The following PRKCE variants were observed in gnomAD, a reference collection of about 807,000 sequenced individuals.
The protein encoded by PRKCE is protein kinase C epsilon, also known as protein kinase C epsilon type.
In PRKCE, 16 loss-of-function variants were observed where a neutral mutation model predicts 85.4. The ratio of observed to expected loss-of-function variants is 0.19; its 90% CI spans 0.13 to 0.28. The LOEUF is 0.28. Among genes scored for constraint, PRKCE ranks in the 10% least tolerant of loss-of-function variants. The pLI, the probability that PRKCE is intolerant of heterozygous loss-of-function variation, is 1.00. For synonymous variants in PRKCE, 388 were observed against 371.5 expected (o/e 1.04, Z -0.51); for missense variants, 573 against 975.2 (o/e 0.59, Z 5.49).
intron 1 of PRKCE, among the ~76,000 whole-genome samples, chr2:45,788,731 C>A (rs1010295343): frequency 3.9e-5 from 6 of 152,208 alleles, no homozygotes; most frequent in Non-Finnish European, 7.3e-5. Context: ...AAATCTAATT[C>A]TCTATTCAGA....
At chr2:46,149,650 A>G (rs1254042251) in intron 12 of PRKCE, among the ~76,000 whole-genome samples, 2 of 150,632 alleles carry the variant, frequency 1.3e-5, no homozygotes, top group East Asian at 3.9e-4. Context: ...TATACAGCTG[A>G]AAGGTGATAT....
At chr2:46,036,884 G>A (rs1707898272) in intron 10 of PRKCE, among the ~76,000 whole-genome samples, 1 of 152,082 alleles carries the variant, frequency 6.6e-6, no homozygotes, top group African/African-American at 2.4e-5. Context: ...TGTGTAGAGG[G>A]CCTCAAGTGA....
At chr2:45,706,805 A>C (rs945767149) in intron 1 of PRKCE, among the ~76,000 whole-genome samples, 3 of 152,224 alleles carry the variant, frequency 2.0e-5, no homozygotes, top group African/African-American at 7.2e-5. Context: ...TTGATCATCA[A>C]TAGCAAGAAA....
chr2:45,947,770 T>A (rs1296670519), intron 2 of PRKCE, among the ~76,000 whole-genome samples: 1 of 152,218 alleles, frequency 6.6e-6, no homozygotes, highest in Non-Finnish European at 1.5e-5. Flanking sequence ...TGATGGTTGT[T>A]ACTACAAACA....
At chr2:45,912,631 C>G (rs904951691) in intron 2 of PRKCE, among the ~76,000 whole-genome samples, 1 of 152,094 alleles carries the variant, frequency 6.6e-6, no homozygotes, top group Non-Finnish European at 1.5e-5. Context: ...CCATGAGAGA[C>G]AGGTTCTGCA....
At chr2:45,687,963 A>T (rs969760552) in intron 1 of PRKCE, among the ~76,000 whole-genome samples, 6 of 152,200 alleles carry the variant, frequency 3.9e-5, no homozygotes, top group Admixed American at 2.0e-4. Flanking sequence ...GGGTCCTCAG[A>T]GTTGGAGCGT....
At chr2:45,819,891 G>C (rs77737005) in intron 1 of PRKCE, among the ~76,000 whole-genome samples, 12,154 of 152,228 alleles carry the variant, frequency 0.08, 625 homozygotes, top group Middle Eastern at 0.14. Context: ...GGAAACAATC[G>C]CATCAAGCTG....
intron 1 of PRKCE, among the ~76,000 whole-genome samples, chr2:45,760,756 G>GGTGAAAGGATGTGGGTGCCCTCCT (rs1201103226): frequency 6.6e-6 from 1 of 152,150 alleles, no homozygotes; most frequent in African/African-American, 2.4e-5. Flanking sequence ...GATTATACCC[G>GGTGAAAGGATGTGGGTGCCCTCCT]GTGAAAGGAT....
intron 1 of PRKCE, among the ~76,000 whole-genome samples, chr2:45,801,865 C>G (rs540074419): frequency 1.9e-4 from 29 of 152,128 alleles, no homozygotes; most frequent in Non-Finnish European, 3.5e-4. Context: ...TGTGCTGATC[C>G]TAGCCTTGCT....
chr2:46,100,001 G>A (rs1009414552), intron 11 of PRKCE, among the ~76,000 whole-genome samples: 10 of 152,258 alleles, frequency 6.6e-5, no homozygotes, highest in Admixed American at 1.3e-4. Flanking sequence ...TTAGTTGGGT[G>A]TCCTTGGGCA....
In PRKCE at chr2:46,129,527, G is replaced by A. The variant is rs572855755; in HGVS notation, c.1593-15566G>A. On this transcript the variant is annotated intron_variant, in intron 11 of 14. Coordinates refer to ENST00000306156, the MANE Select transcript of PRKCE (RefSeq NM_005400.3). ...TAGTGCCAAGAACAGCGCATGTCAC[G>A]TGGTAGTCACTCCATGAATATTTGA... is the stretch of plus-strand genomic sequence containing the variant. Among the ~76,000 whole-genome samples, 11 of 152,360 alleles carry A rather than the reference G, an allele frequency of 7.2e-5. No individual in the cohort carries two copies. The South Asian group carries it at 1.2e-3, about 17-fold the overall frequency.
At position 46,184,973 on chromosome 2, in the gene PRKCE, T is replaced by A; in HGVS notation, c.*92T>A. On this transcript the variant is annotated 3_prime_UTR_variant, in exon 15 of 15. Coordinates refer to ENST00000306156, the MANE Select transcript of PRKCE (RefSeq NM_005400.3). The surrounding 1 kb of genome is among the most constrained non-coding windows in gnomAD (Gnocchi z 5.0). The stretch of plus-strand genomic sequence containing the variant: ...GACACTCAGCAGGTCTTGAACTACT[T>A]CTCCTCCTCGGAGCCCCAGTCCCAT... The A allele has an allele frequency of 6.6e-7, 1 of 1,505,260 alleles. No individual in the cohort carries two copies. Among genetic ancestry groups the A allele is most frequent in the South Asian group, 1.2e-5 (1 of 81,154 alleles). 93.2% of individuals were successfully genotyped at this position (1,505,260 alleles called of 1,614,324 possible). A position where few individuals can be genotyped will look rare whatever the true frequency, so the allele number is the denominator to read the frequency against.
chr2:46,086,446 C>A, intron 11 of PRKCE, 84 bp downstream of exon 11: 1 of 1,476,036 alleles, frequency 6.8e-7, no homozygotes, highest in Middle Eastern at 1.8e-4. Flanking sequence ...AGCTCCTGCC[C>A]ACTCGTCTCT....
At chr2:45,960,951 G>C (rs1486496647) in intron 2 of PRKCE, among the ~76,000 whole-genome samples, 3 of 152,174 alleles carry the variant, frequency 2.0e-5, no homozygotes, top group Admixed American at 1.3e-4. Flanking sequence ...GAGGCTTTCT[G>C]TTTCAACAGG....
In PRKCE at chr2:46,124,302, G is replaced by A. The variant is rs1673636409; in HGVS notation, c.1593-20791G>A. On this transcript the variant is annotated intron_variant, in intron 11 of 14. Coordinates refer to ENST00000306156, the MANE Select transcript of PRKCE (RefSeq NM_005400.3). ...ATCGCACCACTGCACTCCAGCCTGG[G>A]CAACAGAGCGAGACTGCATCTCAAA... 2.6e-5 allele frequency among the ~76,000 whole-genome samples: 4 copies of A among 152,276 alleles called. 1 individual carries two copies. The South Asian group carries it at 6.2e-4, about 24-fold the overall frequency.
At chr2:45,942,310 C>T (rs1699941537) in intron 2 of PRKCE, among the ~76,000 whole-genome samples, 1 of 152,134 alleles carries the variant, frequency 6.6e-6, no homozygotes, top group Admixed American at 6.5e-5. Context: ...CCCTGAAATG[C>T]CTCAAAGTTT....
intron 1 of PRKCE, among the ~76,000 whole-genome samples, chr2:45,820,617 T>G (rs1385456442): frequency 2.0e-5 from 3 of 152,124 alleles, no homozygotes; most frequent in African/African-American, 7.2e-5. Flanking sequence ...ATTTTTTAAC[T>G]TTGCTATTTG....
rs540542119 is a variant in PRKCE, at chr2:45,671,130, G to A, written c.348+18682G>A. On this transcript the variant is annotated intron_variant, in intron 1 of 14. Transcript: ENST00000306156. The stretch of plus-strand genomic sequence containing the variant: ...AGCATCTTTGGAAGATAAGGTGTTT[G>A]CGGCCTTACCCCTCAGGAGACTGCA... 9.2e-5 allele frequency among the ~76,000 whole-genome samples: 14 copies of A among 152,334 alleles called. No homozygotes were observed. The South Asian group carries it at 2.9e-3, about 32-fold the overall frequency.
In PRKCE at chr2:46,184,492, C is replaced by T. The variant is rs1680304260; in HGVS notation, c.2068-243C>T. ...GTGGGAATCCCACTTCCCTGCTTTT[C>T]CATCATACCCTCTCACCCCTTCTTC... On this transcript the variant is annotated intron_variant, in intron 14 of 14. Transcript: ENST00000306156. This position sits in a 1 kb window ranked among gnomAD's most constrained non-coding sequence, Gnocchi z 5.0. Among the ~76,000 whole-genome samples, 1 of 152,018 alleles carries T rather than the reference C, an allele frequency of 6.6e-6. No individual in the cohort carries two copies.
Sources: gnomAD v4.1 joint callset for allele counts (sites outside exome capture counted in the v4.1 genomes callset) on GRCh38, gnomAD v4.1.1 for gene constraint, Gnocchi (gnomAD v3.1) non-coding constraint, MANE v1.5 for transcripts, NCBI Gene and HGNC (gene_info 2026-07-23, HGNC 2026-07-21) for gene names.